The following ADAM22 variants were observed in gnomAD, a reference collection of about 807,000 sequenced individuals.
ADAM22 encodes the protein ADAM metallopeptidase domain 22, also known as disintegrin and metalloproteinase domain-containing protein 22.
ADAM22 carries 65 observed loss-of-function variants against 144.6 expected under a neutral mutation model. That is an observed-to-expected ratio of 0.45 (90% CI 0.37 to 0.55). The LOEUF (loss-of-function observed/expected upper bound fraction) is 0.55, where lower values mean the gene tolerates loss of function less well. ADAM22 is among the 20% of genes least tolerant of loss of function. The probability of loss-of-function intolerance (pLI) is 0.00; values close to 1 mark genes in which losing one functional copy is unlikely to be tolerated. For synonymous variants in ADAM22, 391 were observed against 412.6 expected (o/e 0.95, Z 0.63); for missense variants, 974 against 1,184.9 (o/e 0.82, Z 2.61).
chr7:88,113,703 AATATATATAT>A (rs58099116), intron 5 of ADAM22, among the ~76,000 whole-genome samples: 42 of 48,108 alleles, frequency 8.7e-4, no homozygotes, highest in African/African-American at 2.2e-3. Context: ...TAAATAAATA[AATATATATAT>A]ATATATATAT....
chr7:88,176,217 C>T (rs1354695446), intron 26 of ADAM22, among the ~76,000 whole-genome samples: 1 of 152,128 alleles, frequency 6.6e-6, no homozygotes, highest in African/African-American at 2.4e-5. Flanking sequence ...TCGTGATCCG[C>T]CCACCTCAGC....
intron 4 of ADAM22, among the ~76,000 whole-genome samples, chr7:88,104,232 AAAAG>A (rs1464560347): frequency 2.0e-5 from 3 of 152,210 alleles, no homozygotes; most frequent in African/African-American, 7.2e-5. Context: ...TACCTTAAGA[AAAAG>A]AAAGTCAAGT....
intron 2 of ADAM22, among the ~76,000 whole-genome samples, chr7:87,974,375 C>G (rs940677000): frequency 6.6e-6 from 1 of 151,802 alleles, no homozygotes; most frequent in Non-Finnish European, 1.5e-5. Flanking sequence ...TATTTATCAG[C>G]CAGAAACATG....
rs1433254399 is a variant in ADAM22, at chr7:88,184,911, T to G, written c.2664-1704T>G. Among the ~76,000 whole-genome samples, 3 of 152,292 alleles carry G rather than the reference T, an allele frequency of 2.0e-5. No individual in the cohort carries two copies. The East Asian group carries it at 5.8e-4, about 29-fold the overall frequency. ...TGGAATAGCTGTGGCACCAGTACTT[T>G]GAGTTTCTAAGATTGTCAGTGAAAG... is the stretch of plus-strand genomic sequence containing the variant. On this transcript the variant is annotated intron_variant, in intron 29 of 31. Coordinates refer to ENST00000413139, the MANE Select transcript of ADAM22 (RefSeq NM_001324418.2).
intron 4 of ADAM22, among the ~76,000 whole-genome samples, chr7:88,088,829 A>G (rs1313128166): frequency 1.3e-5 from 2 of 152,228 alleles, no homozygotes; most frequent in African/African-American, 4.8e-5. Context: ...ATCCAAAATT[A>G]TATGTGCAAT....
At chr7:87,946,620 TG>T (rs1485625433) in intron 2 of ADAM22, among the ~76,000 whole-genome samples, 2 of 152,208 alleles carry the variant, frequency 1.3e-5, no homozygotes, top group Non-Finnish European at 2.9e-5. Flanking sequence ...TCTTTCCCCA[TG>T]GCTTATTTTT....
At position 88,075,485 on chromosome 7, in the gene ADAM22, A is replaced by AGT. The variant is rs72137249; in HGVS notation, c.324-140_324-139insTG. 109 of 412,486 alleles carry AGT rather than the reference A, an allele frequency of 2.6e-4. 1 individual carries two copies. Among genetic ancestry groups the AGT allele is most frequent in the African/African-American group, 4.4e-4 (7 of 16,032 alleles). The allele number at this position is 412,486 out of a possible 1,614,324, so 25.6% of individuals were successfully genotyped here. On this transcript the variant is annotated intron_variant, in intron 3 of 31. Coordinates refer to ENST00000413139, the MANE Select transcript of ADAM22 (RefSeq NM_001324418.2). ...GTGTCTGTGTGTGTGTGTGAGTGTG[A>AGT]GAGAGAGAGAGAGACCTATAAAGTG...
intron 3 of ADAM22, among the ~76,000 whole-genome samples, chr7:87,982,670 C>CATATATATCTATATATATATATAT (rs1853858228): frequency 2.6e-5 from 1 of 38,114 alleles, no homozygotes; most frequent in Non-Finnish European, 4.8e-5. Flanking sequence ...TCAGTTATTA[C>CATATATATCTATATATATATATAT]ATATATATAT....
At chr7:87,946,761 G>C (rs1843775820) in intron 2 of ADAM22, among the ~76,000 whole-genome samples, 1 of 152,176 alleles carries the variant, frequency 6.6e-6, no homozygotes, top group Non-Finnish European at 1.5e-5. Context: ...ATGCACTCAT[G>C]TTCATTGCAC....
At chr7:88,078,795 G>A (rs907160402) in intron 4 of ADAM22, among the ~76,000 whole-genome samples, 90 of 152,088 alleles carry the variant, frequency 5.9e-4, no homozygotes, top group Non-Finnish European at 1.2e-4. Flanking sequence ...GAAGTTCAGA[G>A]AAAAAAGAAT....
intron 3 of ADAM22, among the ~76,000 whole-genome samples, chr7:88,060,968 G>A (rs192696891): frequency 6.6e-6 from 1 of 151,412 alleles, no homozygotes; most frequent in Non-Finnish European, 1.5e-5. Flanking sequence ...GCCTGGTGTG[G>A]TGGCAGGCAC....
At chr7:88,187,345 T>A (rs1291667400) in intron 30 of ADAM22, among the ~76,000 whole-genome samples, 2 of 152,212 alleles carry the variant, frequency 1.3e-5, no homozygotes, top group African/African-American at 4.8e-5. Context: ...TGTAAGAAAT[T>A]TTTTATGCTT....
chr7:88,135,695 G>A (rs1324053197), intron 13 of ADAM22, among the ~76,000 whole-genome samples: 1 of 152,110 alleles, frequency 6.6e-6, no homozygotes, highest in Non-Finnish European at 1.5e-5. Flanking sequence ...ATTGGTATTT[G>A]ATTGTCTTTC....
chr7:87,970,392 T>C (rs1451903097), intron 2 of ADAM22, among the ~76,000 whole-genome samples: 1 of 152,214 alleles, frequency 6.6e-6, no homozygotes, highest in African/African-American at 2.4e-5. Flanking sequence ...TTAACTCTTA[T>C]TTTTAATAAT....
intron 3 of ADAM22, among the ~76,000 whole-genome samples, chr7:88,055,105 A>G (rs1189111826): frequency 6.6e-6 from 1 of 151,104 alleles, no homozygotes; most frequent in East Asian, 1.9e-4. Context: ...AACAAATATC[A>G]GATATATATA....
intron 30 of ADAM22, among the ~76,000 whole-genome samples, chr7:88,187,239 A>G (rs974355007): frequency 2.6e-5 from 4 of 152,208 alleles, no homozygotes; most frequent in African/African-American, 9.7e-5. Flanking sequence ...ACATGGGAGT[A>G]TGTGGAATGA....
chr7:88,036,798 A>C (rs1369492324), intron 3 of ADAM22, among the ~76,000 whole-genome samples: 1 of 152,116 alleles, frequency 6.6e-6, no homozygotes, highest in Admixed American at 6.5e-5. Context: ...TATAACAAAA[A>C]CAGAAATAAA....
At chr7:88,049,534 G>C (rs1000133776) in intron 3 of ADAM22, among the ~76,000 whole-genome samples, 1 of 152,128 alleles carries the variant, frequency 6.6e-6, no homozygotes. Flanking sequence ...GAGTAGCTGG[G>C]ATTACAGGCA....
chr7:88,149,590 A>C (rs565169500), intron 18 of ADAM22, among the ~76,000 whole-genome samples: 58 of 152,336 alleles, frequency 3.8e-4, no homozygotes, highest in African/African-American at 1.4e-3. Context: ...GTCACTGTAC[A>C]TACAGACGGT....
Sources: allele counts gnomAD v4.1 joint callset (sites outside exome capture counted in the v4.1 genomes callset), GRCh38; gene constraint gnomAD v4.1.1; transcripts MANE v1.5; gene names NCBI Gene and HGNC (gene_info 2026-07-23, HGNC 2026-07-21).